Variants in QTMAN observed in about 807,000 individuals in gnomAD.
QTMAN encodes the protein queuosine-tRNA mannosyltransferase.
the QTMAN span, among the ~76,000 whole-genome samples, chr2:144,326,901 C>T: frequency 1.3e-5 from 2 of 152,042 alleles, no homozygotes; most frequent in African/African-American, 4.8e-5. Flanking sequence ...TTTATATATA[C>T]CACACAGAGA....
At chr2:144,069,297 C>CAAAA in the QTMAN span, among the ~76,000 whole-genome samples, 6 of 85,498 alleles carry the variant, frequency 7.0e-5, no homozygotes, top group African/African-American at 2.2e-4. Context: ...GAATCTTTTA[C>CAAAA]AAAAAAAAAA....
At chr2:144,157,754 A>G in the QTMAN span, among the ~76,000 whole-genome samples, 48 of 152,058 alleles carry the variant, frequency 3.2e-4, no homozygotes, top group African/African-American at 1.1e-3. Flanking sequence ...CAAATATTTA[A>G]CATATAAACA....
chr2:144,136,676 G>C, the QTMAN span, among the ~76,000 whole-genome samples: 1 of 152,078 alleles, frequency 6.6e-6, no homozygotes, highest in Admixed American at 6.6e-5. Flanking sequence ...TAGGTTGCAA[G>C]ATTACTCCCT....
chr2:144,310,301 G>T, the QTMAN span, among the ~76,000 whole-genome samples: 4 of 152,128 alleles, frequency 2.6e-5, no homozygotes, highest in Non-Finnish European at 5.9e-5. Flanking sequence ...AGTAAATGGA[G>T]TCAAAAACTG....
the QTMAN span, among the ~76,000 whole-genome samples, chr2:143,987,022 T>TGA: frequency 6.6e-6 from 1 of 152,196 alleles, no homozygotes; most frequent in African/African-American, 2.4e-5. Flanking sequence ...AAAGTGCAAC[T>TGA]GGGCAGTGCC....
At chr2:144,204,999 G>A in the QTMAN span, among the ~76,000 whole-genome samples, 2 of 124,640 alleles carry the variant, frequency 1.6e-5, no homozygotes, top group Non-Finnish European at 3.3e-5. Context: ...GTTGTGGGGT[G>A]GGGGGAGGGG....
chr2:144,162,909 C>G, the QTMAN span, among the ~76,000 whole-genome samples: 1 of 152,046 alleles, frequency 6.6e-6, no homozygotes, highest in African/African-American at 2.4e-5. Context: ...CTGTGCCCAG[C>G]TAGGGAAAGC....
the QTMAN span, among the ~76,000 whole-genome samples, chr2:144,245,147 C>T: frequency 6.6e-6 from 1 of 152,304 alleles, no homozygotes; most frequent in African/African-American, 2.4e-5. Context: ...ATGAAAGTTT[C>T]CAAAAGACAT....
At chr2:144,215,932 T>G in the QTMAN span, among the ~76,000 whole-genome samples, 2 of 152,134 alleles carry the variant, frequency 1.3e-5, no homozygotes, top group African/African-American at 2.4e-5. Flanking sequence ...AAACCTTAAA[T>G]CACCTAAGGG....
the QTMAN span, among the ~76,000 whole-genome samples, chr2:144,217,715 G>C: frequency 1.3e-5 from 2 of 151,776 alleles, no homozygotes; most frequent in Non-Finnish European, 2.9e-5. Flanking sequence ...CTTTTTGATA[G>C]AATAATAGGT....
the QTMAN span, among the ~76,000 whole-genome samples, chr2:144,197,511 TATTAGC>T: frequency 1.3e-5 from 2 of 152,162 alleles, no homozygotes; most frequent in Non-Finnish European, 2.9e-5. Context: ...AAAAATTTAT[TATTAGC>T]ATTATCTAGT....
At chr2:144,279,151 AACG>A in the QTMAN span, among the ~76,000 whole-genome samples, 65 of 152,312 alleles carry the variant, frequency 4.3e-4, no homozygotes, top group African/African-American at 1.4e-3. Flanking sequence ...AGGGCCAAAC[AACG>A]ACGTTATGCA....
the QTMAN span, among the ~76,000 whole-genome samples, chr2:144,241,376 C>T: frequency 2.6e-5 from 4 of 152,214 alleles, no homozygotes; most frequent in East Asian, 7.7e-4. Context: ...CTTCTTCCCT[C>T]ACATGCAAAA....
chr2:144,061,960 C>T, the QTMAN span, among the ~76,000 whole-genome samples: 1 of 152,118 alleles, frequency 6.6e-6, no homozygotes, highest in African/African-American at 2.4e-5. Context: ...CACCCCATCC[C>T]CTCTCCAGCT....
the QTMAN span, among the ~76,000 whole-genome samples, chr2:144,321,518 T>C: frequency 6.6e-6 from 1 of 152,206 alleles, no homozygotes; most frequent in African/African-American, 2.4e-5. Flanking sequence ...AACGCAGTCA[T>C]AAATTGTAGA....
At chr2:144,133,116 AATATATATAT>A in the QTMAN span, among the ~76,000 whole-genome samples, 31 of 41,374 alleles carry the variant, frequency 7.5e-4, 1 homozygote, top group East Asian at 2.3e-3. Context: ...AATGACTGGT[AATATATATAT>A]ATATATATAT....
chr2:144,250,339 T>C, the QTMAN span, among the ~76,000 whole-genome samples: 1 of 151,934 alleles, frequency 6.6e-6, no homozygotes, highest in African/African-American at 2.4e-5. Context: ...AGACAGGGTT[T>C]TACCATGTTG....
At chr2:144,223,899 G>A in the QTMAN span, among the ~76,000 whole-genome samples, 1 of 152,112 alleles carries the variant, frequency 6.6e-6, no homozygotes, top group Non-Finnish European at 1.5e-5. Flanking sequence ...ACCTTTCTGA[G>A]CAAATAATTT....
the QTMAN span, among the ~76,000 whole-genome samples, chr2:144,329,125 C>T: frequency 6.6e-6 from 1 of 151,950 alleles, no homozygotes; most frequent in South Asian, 2.1e-4. Context: ...TTCCTGTAAT[C>T]CCAGCTACTC....
Sources: allele counts gnomAD v4.1 joint callset (sites outside exome capture counted in the v4.1 genomes callset), GRCh38; gene constraint gnomAD v4.1.1; transcripts MANE v1.5; gene names NCBI Gene and HGNC (gene_info 2026-07-23, HGNC 2026-07-21).